The following CAMTA1 variants were observed in gnomAD, a reference collection of about 807,000 sequenced individuals.
CAMTA1 encodes calmodulin-binding transcription activator 1.
A neutral mutation model predicts 170.9 loss-of-function variants in CAMTA1; 27 were observed. The observed-to-expected ratio is 0.16, with a 90% CI of 0.12 to 0.22. The LOEUF (loss-of-function observed/expected upper bound fraction) is 0.22. Ranked by LOEUF, CAMTA1 falls within the 10% of genes least tolerant of loss-of-function variation. The probability of loss-of-function intolerance (pLI) is 1.00; values close to 1 mark genes in which losing one functional copy is unlikely to be tolerated. For missense variants in CAMTA1, 1,619 were observed against 2,217.2 expected (o/e 0.73, Z 5.42); for synonymous variants, 833 against 891.5 (o/e 0.93, Z 1.17).
At chr1:6,874,593 T>C (rs899984655) in intron 3 of CAMTA1, among the ~76,000 whole-genome samples, 2 of 152,212 alleles carry the variant, frequency 1.3e-5, no homozygotes, top group African/African-American at 4.8e-5. Context: ...GAGACCCTTA[T>C]ATGTTTAGAG....
intron 11 of CAMTA1, among the ~76,000 whole-genome samples, chr1:7,706,666 C>T (rs1227016215): frequency 2.6e-5 from 4 of 152,146 alleles, no homozygotes; most frequent in Admixed American, 1.3e-4. Context: ...TTACTTACAG[C>T]GTATGCATTT....
chr1:7,238,639 T>C lies in CAMTA1; in HGVS notation c.303-10852T>C, dbSNP rs369928297. 2.6e-5 allele frequency among the ~76,000 whole-genome samples: 4 copies of C among 152,330 alleles called. No individual in the cohort carries two copies. In the East Asian group the frequency reaches 7.7e-4, roughly 29 times the overall value. On this transcript the variant is annotated intron_variant, in intron 4 of 22. Transcript: ENST00000303635. The stretch of plus-strand genomic sequence containing the variant: ...TGGTTCATGCCTATAATCCCAGCAC[T>C]TTGGGAGGCCAAGGCAGGCAGATCA...
intron 5 of CAMTA1, among the ~76,000 whole-genome samples, chr1:7,449,858 C>T (rs986841809): frequency 6.6e-6 from 1 of 151,990 alleles, no homozygotes; most frequent in Admixed American, 6.6e-5. Flanking sequence ...CTCAGAGCAG[C>T]CCCCGAGGAG....
chr1:7,004,250 T>A (rs1214619671), intron 3 of CAMTA1, among the ~76,000 whole-genome samples: 1 of 152,232 alleles, frequency 6.6e-6, no homozygotes, highest in Non-Finnish European at 1.5e-5. Flanking sequence ...TTCTTTTCTT[T>A]TTTTTCCCTC....
At chr1:7,590,031 C>T (rs568418785) in intron 6 of CAMTA1, among the ~76,000 whole-genome samples, 3 of 152,136 alleles carry the variant, frequency 2.0e-5, no homozygotes, top group Non-Finnish European at 4.4e-5. Context: ...TGGAGCTTGC[C>T]CCTGAAAGAA....
At position 7,574,147 on chromosome 1, in the gene CAMTA1, C is replaced by T. The variant is rs79680173; in HGVS notation, c.511-66253C>T. Among the ~76,000 whole-genome samples the T allele has an allele frequency of 4.6e-5, 7 of 152,312 alleles. No individual in the cohort carries two copies. In the East Asian group the frequency reaches 5.8e-4, roughly 13 times the overall value. On this transcript the variant is annotated intron_variant, in intron 6 of 22. Transcript: ENST00000303635. Reference sequence around the variant, plus strand: ...CAGGGCTTCCCTGCAGGTGTCCACCCGACAGGCGGCAGCATGTGGGCCGTG... The same window carrying T: ...CAGGGCTTCCCTGCAGGTGTCCACCTGACAGGCGGCAGCATGTGGGCCGTG...
intron 5 of CAMTA1, among the ~76,000 whole-genome samples, chr1:7,282,887 C>G (rs964935601): frequency 6.6e-6 from 1 of 152,112 alleles, no homozygotes; most frequent in Non-Finnish European, 1.5e-5. Context: ...CGTGACATAG[C>G]CTTTTTCTGG....
intron 3 of CAMTA1, among the ~76,000 whole-genome samples, chr1:7,017,788 C>A (rs1700765251): frequency 1.3e-5 from 2 of 152,160 alleles, no homozygotes; most frequent in South Asian, 4.1e-4. Flanking sequence ...CCAAGCCTGA[C>A]CCCTGCCTGT....
chr1:7,489,491 G>A (rs975271531), intron 6 of CAMTA1, among the ~76,000 whole-genome samples: 4 of 152,148 alleles, frequency 2.6e-5, no homozygotes, highest in Non-Finnish European at 4.4e-5. Context: ...TCCAGGTGTC[G>A]GAGGAACTCA....
chr1:7,767,176 A>T lies in CAMTA1; in HGVS notation c.*685A>T, dbSNP rs951856274. Reference sequence around the variant, plus strand: ...CAGGTGTGTGGTAAACGGGTAATGCATGGGAAATAATGAGAAGCAGCTCAC... The same window carrying T: ...CAGGTGTGTGGTAAACGGGTAATGCTTGGGAAATAATGAGAAGCAGCTCAC... On this transcript the variant is annotated 3_prime_UTR_variant, in exon 23 of 23. Transcript: ENST00000303635. The T allele has an allele frequency of 6.5e-6, 1 of 152,814 alleles. No homozygotes were observed. Among genetic ancestry groups the T allele is most frequent in the Non-Finnish European group, 1.5e-5 (1 of 68,050 alleles). The allele number at this position is 152,814 out of a possible 1,614,324, so 9.5% of individuals were successfully genotyped here. A position where few individuals can be genotyped will look rare whatever the true frequency, so the allele number is the denominator to read the frequency against.
chr1:7,192,077 C>A (rs1226418784), intron 4 of CAMTA1, among the ~76,000 whole-genome samples: 1 of 152,164 alleles, frequency 6.6e-6, no homozygotes, highest in Non-Finnish European at 1.5e-5. Context: ...AGCTATTGGA[C>A]ACATCTGAGA....
intron 5 of CAMTA1, among the ~76,000 whole-genome samples, chr1:7,451,596 G>A (rs1157218912): frequency 6.6e-6 from 1 of 152,096 alleles, no homozygotes; most frequent in Non-Finnish European, 1.5e-5. Flanking sequence ...AGGTGGTGGG[G>A]AACTTGAAGC....
In CAMTA1 at chr1:7,673,646, T is replaced by A. The variant is rs114134600; in HGVS notation, c.2779+2609T>A. On this transcript the variant is annotated intron_variant, in intron 10 of 22. Coordinates refer to ENST00000303635, the MANE Select transcript of CAMTA1 (RefSeq NM_015215.4). The surrounding 1 kb of genome is among the most constrained non-coding windows in gnomAD (Gnocchi z 4.6). The stretch of plus-strand genomic sequence containing the variant: ...ACCAAGGGACCAGGAGCCACAAGGC[T>A]CAAGGCACACTGAGAGCTGGGACTC... Among the ~76,000 whole-genome samples, 289 of 152,240 alleles carry A rather than the reference T, an allele frequency of 1.9e-3. 1 individual carries two copies. Among genetic ancestry groups the A allele is most frequent in the African/African-American group, 6.7e-3 (278 of 41,542 alleles).
chr1:6,989,862 CT>C (rs137934689), intron 3 of CAMTA1, among the ~76,000 whole-genome samples: 3,383 of 152,188 alleles, frequency 0.022, 117 homozygotes, highest in African/African-American at 0.078. Context: ...CCATTATTTA[CT>C]GACCTTGGGG....
At chr1:7,270,244 T>TAC (rs57280188) in intron 5 of CAMTA1, among the ~76,000 whole-genome samples, 304 of 127,200 alleles carry the variant, frequency 2.4e-3, no homozygotes, top group African/African-American at 6.5e-3. Context: ...CATATATACA[T>TAC]ACACACACAC....
intron 11 of CAMTA1, among the ~76,000 whole-genome samples, chr1:7,704,684 C>T (rs1039873075): frequency 6.7e-6 from 1 of 148,256 alleles, no homozygotes; most frequent in Non-Finnish European, 1.5e-5. Context: ...CACCGCCGCG[C>T]CCCGCCATTG....
chr1:7,616,056 T>C (rs2095556562), intron 6 of CAMTA1, among the ~76,000 whole-genome samples: 1 of 152,258 alleles, frequency 6.6e-6, no homozygotes, highest in South Asian at 2.1e-4. Flanking sequence ...TTTACCACCC[T>C]TTTAAAAGGA....
At position 6,870,736 on chromosome 1, in the gene CAMTA1, G is replaced by T. The variant is rs17029980; in HGVS notation, c.234+45526G>T. On this transcript the variant is annotated intron_variant, in intron 3 of 22. Transcript: ENST00000303635. ...TTATGCTCCTGCCATTTACTCTTCT[G>T]TATGGCAGGCCATCATTTACACTGC... Among the ~76,000 whole-genome samples the T allele has an allele frequency of 3.8e-3, 578 of 152,284 alleles. 2 individuals are homozygous for T. Among genetic ancestry groups the T allele is most frequent in the African/African-American group, 0.013 (541 of 41,552 alleles).
At chr1:7,148,617 A>C (rs980760014) in intron 4 of CAMTA1, among the ~76,000 whole-genome samples, 2 of 152,128 alleles carry the variant, frequency 1.3e-5, no homozygotes, top group Non-Finnish European at 2.9e-5. Flanking sequence ...CTCCCATTGC[A>C]GTTGGATGTG....
Sources: allele counts gnomAD v4.1 joint callset (sites outside exome capture counted in the v4.1 genomes callset), GRCh38; gene constraint gnomAD v4.1.1; non-coding constraint Gnocchi (gnomAD v3.1); transcripts MANE v1.5; gene names NCBI Gene and HGNC (gene_info 2026-07-23, HGNC 2026-07-21).